Variants in SPMIP4 observed in about 807,000 individuals in gnomAD.
SPMIP4 encodes sperm-associated microtubule inner protein 4.
At chr7:25,142,370 A>G in the SPMIP4 span, 1 of 1,404,746 alleles carries the variant, frequency 7.1e-7, no homozygotes, top group Non-Finnish European at 9.9e-7. Flanking sequence ...TGTTAGGGTA[A>G]ACGAAGAACG....
chr7:25,157,510 C>A, the SPMIP4 span, among the ~76,000 whole-genome samples: 1 of 152,156 alleles, frequency 6.6e-6, no homozygotes, highest in African/African-American at 2.4e-5. Context: ...ACGGCATGTA[C>A]CCTTGCTACG....
chr7:25,158,656 T>C, the SPMIP4 span: 1,066 of 714,944 alleles, frequency 1.5e-3, 11 homozygotes, highest in African/African-American at 0.017. Context: ...TCCCAGCACT[T>C]TGGGAGGCCA....
chr7:25,145,995 T>C, the SPMIP4 span, among the ~76,000 whole-genome samples: 2 of 152,236 alleles, frequency 1.3e-5, no homozygotes, highest in South Asian at 2.1e-4. Flanking sequence ...GGTTAAAAGG[T>C]TTACTGTGGA....
the SPMIP4 span, among the ~76,000 whole-genome samples, chr7:25,144,127 T>G: frequency 6.6e-6 from 1 of 152,204 alleles, no homozygotes; most frequent in Non-Finnish European, 1.5e-5. Flanking sequence ...AACATTAGGC[T>G]GCTGGGTGCC....
chr7:25,150,915 C>A, the SPMIP4 span, among the ~76,000 whole-genome samples: 251 of 152,278 alleles, frequency 1.6e-3, 2 homozygotes, highest in African/African-American at 5.8e-3. Flanking sequence ...TTAAACTTGA[C>A]ACCAATATGA....
the SPMIP4 span, among the ~76,000 whole-genome samples, chr7:25,128,970 A>G: frequency 6.6e-6 from 1 of 152,218 alleles, no homozygotes; most frequent in African/African-American, 2.4e-5. This position sits in a 1 kb window ranked among gnomAD's most constrained non-coding sequence, Gnocchi z 4.5. Context: ...GCCTCCCCCT[A>G]GTGCACAGTT....
chr7:25,158,387 A>AAAAT, the SPMIP4 span: 1 of 756,050 alleles, frequency 1.3e-6, no homozygotes, highest in East Asian at 2.9e-5. Context: ...AAAAAAAAAA[A>AAAAT]AGAAACGTTT....
the SPMIP4 span, among the ~76,000 whole-genome samples, chr7:25,148,299 T>G: frequency 6.6e-6 from 1 of 152,100 alleles, no homozygotes; most frequent in East Asian, 1.9e-4. Context: ...CTGAGCCTGG[T>G]GTGGTCGTGC....
chr7:25,178,326 T>A, the SPMIP4 span, among the ~76,000 whole-genome samples: 1 of 152,354 alleles, frequency 6.6e-6, no homozygotes, highest in East Asian at 1.9e-4. Context: ...GAACAACTTA[T>A]AAGAACAACT....
chr7:25,170,227 T>A, the SPMIP4 span, among the ~76,000 whole-genome samples: 3 of 152,234 alleles, frequency 2.0e-5, no homozygotes, highest in Non-Finnish European at 4.4e-5. Context: ...TTTAAAAAAA[T>A]TATTGCCATT....
chr7:25,177,820 T>C, the SPMIP4 span, among the ~76,000 whole-genome samples: 1 of 152,202 alleles, frequency 6.6e-6, no homozygotes, highest in Admixed American at 6.5e-5. Context: ...TAAACTTTTT[T>C]TCTAGGTTCA....
the SPMIP4 span, chr7:25,161,203 A>G: frequency 1.3e-6 from 2 of 1,556,596 alleles, no homozygotes; most frequent in Non-Finnish European, 1.7e-6. Context: ...AATCATTTCC[A>G]TAGACATCAC....
chr7:25,140,744 C>T, the SPMIP4 span, among the ~76,000 whole-genome samples: 2 of 149,082 alleles, frequency 1.3e-5, no homozygotes, highest in South Asian at 4.3e-4. Flanking sequence ...CCCACCACCA[C>T]GCCCGGCTAA....
the SPMIP4 span, among the ~76,000 whole-genome samples, chr7:25,137,316 T>TAA: frequency 2.8e-4 from 39 of 137,330 alleles, no homozygotes; most frequent in East Asian, 1.3e-3. Context: ...TTTTTTTTTT[T>TAA]TTTATTTTTT....
the SPMIP4 span, among the ~76,000 whole-genome samples, chr7:25,162,728 C>T: frequency 1.3e-5 from 2 of 152,002 alleles, no homozygotes; most frequent in African/African-American, 4.8e-5. Flanking sequence ...TTAAAAAAAT[C>T]CCTATACTAT....
At chr7:25,145,663 C>T in the SPMIP4 span, among the ~76,000 whole-genome samples, 1 of 152,148 alleles carries the variant, frequency 6.6e-6, no homozygotes, top group African/African-American at 2.4e-5. Context: ...CTCCAGTCTA[C>T]AAAGAAGTGA....
chr7:25,171,787 C>T, the SPMIP4 span, among the ~76,000 whole-genome samples: 1 of 151,722 alleles, frequency 6.6e-6, no homozygotes, highest in African/African-American at 2.4e-5. Flanking sequence ...TAAAGGAGAC[C>T]ATCTACACAA....
chr7:25,136,923 C>T, the SPMIP4 span: 1 of 846,600 alleles, frequency 1.2e-6, no homozygotes, highest in East Asian at 2.5e-5. The surrounding 1 kb of genome is among the most constrained non-coding windows in gnomAD (Gnocchi z 5.7). Flanking sequence ...TTGCAATGCT[C>T]TTTGATACTA....
chr7:25,164,229 G>A, the SPMIP4 span, among the ~76,000 whole-genome samples: 6 of 152,190 alleles, frequency 3.9e-5, no homozygotes, highest in South Asian at 2.1e-4. Context: ...CAGCTACCTC[G>A]AGCTTTGGTG....
Sources: allele counts gnomAD v4.1 joint callset (sites outside exome capture counted in the v4.1 genomes callset), GRCh38; gene constraint gnomAD v4.1.1; non-coding constraint Gnocchi (gnomAD v3.1); transcripts MANE v1.5; gene names NCBI Gene and HGNC (gene_info 2026-07-23, HGNC 2026-07-21).